MYO3B: variants seen among roughly 807,000 people sequenced by gnomAD.
The protein encoded by MYO3B is myosin IIIB.
A neutral mutation model predicts 174.6 loss-of-function variants in MYO3B; 156 were observed. The observed-to-expected ratio is 0.89, with a 90% CI of 0.78 to 1.02. The LOEUF (loss-of-function observed/expected upper bound fraction) is 1.02, where lower values mean the gene tolerates loss of function less well. Ranked by LOEUF, MYO3B falls within the 50% of genes least tolerant of loss-of-function variation. The probability of loss-of-function intolerance (pLI) is 0.00; values close to 1 mark genes in which losing one functional copy is unlikely to be tolerated. For synonymous variants in MYO3B, 563 were observed against 569.1 expected, an observed-to-expected ratio of 0.99 and a Z score of 0.15; for missense variants, 1,632 against 1,639.4, an observed-to-expected ratio of 1.00 and a Z score of 0.08.
chr2:170,507,948 C>T (rs1174476314), intron 28 of MYO3B, among the ~76,000 whole-genome samples: 1 of 152,152 alleles, frequency 6.6e-6, no homozygotes, highest in Non-Finnish European at 1.5e-5. Flanking sequence ...ATCTCCTTTG[C>T]TATGGAATAA....
At chr2:170,366,580 A>G (rs781219795) in intron 8 of MYO3B, among the ~76,000 whole-genome samples, 9 of 152,204 alleles carry the variant, frequency 5.9e-5, no homozygotes, top group Non-Finnish European at 1.2e-4. Context: ...GGCATGAGCC[A>G]CCACGCCTGG....
intron 7 of MYO3B, among the ~76,000 whole-genome samples, chr2:170,319,921 A>G (rs1442397847): frequency 2.0e-5 from 3 of 152,168 alleles, no homozygotes; most frequent in Non-Finnish European, 4.4e-5. Flanking sequence ...TTATGTAGCA[A>G]AATTATCCTT....
chr2:170,257,007 G>A (rs1161979896), intron 7 of MYO3B, among the ~76,000 whole-genome samples: 1 of 151,922 alleles, frequency 6.6e-6, no homozygotes, highest in East Asian at 1.9e-4. Context: ...GGACAAAGAA[G>A]GACATTACAT....
At chr2:170,454,669 C>T (rs1559017363) in intron 23 of MYO3B, among the ~76,000 whole-genome samples, 1 of 152,196 alleles carries the variant, frequency 6.6e-6, no homozygotes, top group Non-Finnish European at 1.5e-5. Context: ...CAATCCCAGA[C>T]CAGCCCCCAA....
chr2:170,425,795 G>A (rs1211721930), intron 22 of MYO3B, among the ~76,000 whole-genome samples: 1 of 152,198 alleles, frequency 6.6e-6, no homozygotes, highest in Non-Finnish European at 1.5e-5. Context: ...TGTAATTGGA[G>A]CATCTTGATA....
At chr2:170,527,753 C>T (rs1689096674) in intron 30 of MYO3B, among the ~76,000 whole-genome samples, 2 of 152,162 alleles carry the variant, frequency 1.3e-5, no homozygotes, top group Non-Finnish European at 2.9e-5. Flanking sequence ...CCTCATGCCG[C>T]CATTGTGAGA....
intron 7 of MYO3B, among the ~76,000 whole-genome samples, chr2:170,270,654 GC>G (rs2093418926): frequency 6.6e-6 from 1 of 152,130 alleles, no homozygotes. Flanking sequence ...GCCCTCCATT[GC>G]CTGACAGTCA....
chr2:170,499,907 C>T (rs539641072), intron 27 of MYO3B, 99 bp downstream of exon 27: 2 of 988,756 alleles, frequency 2.0e-6, no homozygotes, highest in African/African-American at 1.6e-5. Context: ...GTTTCCCTCC[C>T]TCCCTTCCTT....
At chr2:170,424,488 G>A (rs956692864) in intron 22 of MYO3B, among the ~76,000 whole-genome samples, 3 of 152,020 alleles carry the variant, frequency 2.0e-5, no homozygotes, top group South Asian at 2.1e-4. Context: ...ATGTTGGTGC[G>A]TGCCTGTGGT....
At chr2:170,460,049 G>A (rs963386337) in intron 23 of MYO3B, among the ~76,000 whole-genome samples, 4 of 151,958 alleles carry the variant, frequency 2.6e-5, no homozygotes, top group African/African-American at 7.3e-5. Flanking sequence ...CTCCGCCCTC[G>A]GCCAGCCCAG....
rs565523349 is a variant in MYO3B, at chr2:170,223,772, G to A, written c.603+6377G>A. Among the ~76,000 whole-genome samples, 3 of 152,274 alleles carry A rather than the reference G, an allele frequency of 2.0e-5. No homozygotes were observed. The South Asian group carries it at 6.2e-4, about 32-fold the overall frequency. On this transcript the variant is annotated intron_variant, in intron 6 of 34. Transcript: ENST00000408978. The stretch of plus-strand genomic sequence containing the variant: ...CATATAGCAAAGAATTAAACTCAGT[G>A]TTTGTAAGTGACTGAAACCCAAGAG...
intron 25 of MYO3B, among the ~76,000 whole-genome samples, chr2:170,488,224 T>C (rs1686194951): frequency 6.6e-6 from 1 of 152,254 alleles, no homozygotes; most frequent in Non-Finnish European, 1.5e-5. Context: ...CATGAACATA[T>C]TCCACGAATA....
chr2:170,386,197 C>A lies in MYO3B; in HGVS notation c.1299C>A (p.Val433=). The change falls in exon 13 of 35, where the codon GTC becomes GTA. Residue 433 remains valine, a synonymous_variant. Coordinates refer to ENST00000408978, the MANE Select transcript of MYO3B (RefSeq NM_138995.5). ...TCCATTTTCTGTGCCAGTGCATTGT[C>A]ATCAGCGGAGAGAGTGGCTCTGGGA... ...MVTLSKDQCI[V]ISGESGSGKT... The A allele has an allele frequency of 1.2e-6, 2 of 1,613,418 alleles. No individual in the cohort carries two copies. Among genetic ancestry groups the A allele is most frequent in the South Asian group, 2.2e-5 (2 of 91,010 alleles).
chr2:170,191,072 G>T (rs886680111), intron 1 of MYO3B, among the ~76,000 whole-genome samples: 2 of 151,920 alleles, frequency 1.3e-5, no homozygotes, highest in African/African-American at 4.8e-5. Flanking sequence ...ATCCTGTCAG[G>T]ACTGGGTCCT....
At chr2:170,519,775 C>T (rs1688549747) in intron 30 of MYO3B, 1 of 375,210 alleles carries the variant, frequency 2.7e-6, no homozygotes, top group African/African-American at 2.1e-5. Context: ...GAGTTTGAGA[C>T]TAGCCTGGCC....
At chr2:170,252,262 A>G (rs2093261484) in intron 7 of MYO3B, among the ~76,000 whole-genome samples, 1 of 152,230 alleles carries the variant, frequency 6.6e-6, no homozygotes, top group Non-Finnish European at 1.5e-5. Context: ...CTAAATATGT[A>G]TATCTACAAG....
At chr2:170,477,258 C>T (rs983615213) in intron 25 of MYO3B, among the ~76,000 whole-genome samples, 3 of 152,130 alleles carry the variant, frequency 2.0e-5, no homozygotes, top group Non-Finnish European at 4.4e-5. Flanking sequence ...TTCTCTTCAT[C>T]TTTCAATCCC....
chr2:170,314,594 T>C (rs1417037374), intron 7 of MYO3B, among the ~76,000 whole-genome samples: 2 of 152,190 alleles, frequency 1.3e-5, no homozygotes, highest in African/African-American at 4.8e-5. Context: ...TCTAATCAGC[T>C]TTCAGCAGTT....
At chr2:170,344,471 G>A (rs6757111) in intron 8 of MYO3B, 66,377 of 135,172 alleles carry the variant, frequency 0.49, 18,280 homozygotes, top group East Asian at 0.65. Context: ...GTCTCGGTTG[G>A]GGGGGTGGGG....
Sources: allele counts gnomAD v4.1 joint callset (sites outside exome capture counted in the v4.1 genomes callset), GRCh38; gene constraint gnomAD v4.1.1; transcripts MANE v1.5; gene names NCBI Gene and HGNC (gene_info 2026-07-23, HGNC 2026-07-21).